The following SLC8A1 variants were observed in gnomAD, a reference collection of about 807,000 sequenced individuals.
The protein encoded by SLC8A1 is solute carrier family 8 member A1.
In SLC8A1, 18 loss-of-function variants were observed where a neutral mutation model predicts 68.3. The observed-to-expected ratio is 0.26, with a 90% confidence interval of 0.18 to 0.39. The LOEUF (loss-of-function observed/expected upper bound fraction) is 0.39. SLC8A1 is among the 10% of genes least tolerant of loss of function. The pLI is 1.00. For synonymous variants in SLC8A1, 475 were observed against 415.5 expected, an observed-to-expected ratio of 1.14 and a Z score of -1.74; for missense variants, 985 against 1,156.7, an observed-to-expected ratio of 0.85 and a Z score of 2.15.
chr2:40,334,367 A>G (rs1665255401), intron 2 of SLC8A1, among the ~76,000 whole-genome samples: 1 of 152,232 alleles, frequency 6.6e-6, no homozygotes, highest in African/African-American at 2.4e-5. Flanking sequence ...TAACCATTTC[A>G]GTTTTATATA....
At chr2:40,124,525 C>T (rs1339601764) in intron 7 of SLC8A1, among the ~76,000 whole-genome samples, 2 of 152,170 alleles carry the variant, frequency 1.3e-5, no homozygotes, top group East Asian at 1.9e-4. Context: ...TTTTGCCTTC[C>T]ACCTTGCTGT....
chr2:40,384,230 C>G (rs958300484), intron 2 of SLC8A1, among the ~76,000 whole-genome samples: 2 of 151,944 alleles, frequency 1.3e-5, no homozygotes, highest in Non-Finnish European at 2.9e-5. Flanking sequence ...GCACTTTAGT[C>G]TGGGAGACCG....
chr2:40,175,241 G>A lies in SLC8A1; in HGVS notation c.1913-399C>T. 2 of 1,610,884 alleles carry A rather than the reference G, an allele frequency of 1.2e-6. No homozygotes were observed. Among genetic ancestry groups the A allele is most frequent in the Non-Finnish European group, 1.7e-6 (2 of 1,177,484 alleles). The stretch of plus-strand genomic sequence containing the variant: ...TAATCTAGAAAAATGGAAAGGAAAT[G>A]CAAGAAATGAAATGCTTACCAAGCT... On this transcript the variant is annotated intron_variant, in intron 3 of 7. Coordinates refer to ENST00000406785, the Ensembl canonical transcript of SLC8A1.
chr2:40,200,175 T>G (rs522050), intron 2 of SLC8A1, among the ~76,000 whole-genome samples: 13,488 of 25,576 alleles, frequency 0.53, 4,138 homozygotes, highest in Middle Eastern at 0.75. Flanking sequence ...AAGTCATTGA[T>G]ATATATATAT....
chr2:40,294,460 T>A (rs538116733), intron 2 of SLC8A1, among the ~76,000 whole-genome samples: 8 of 152,154 alleles, frequency 5.3e-5, no homozygotes, highest in African/African-American at 1.7e-4. Flanking sequence ...CAGACAGCCA[T>A]TAAAAAATGA....
rs6712248 is a variant in SLC8A1 at position 40,164,734 on chromosome 2, C to A, written c.2061+120G>T. 2.2e-3 allele frequency: 2,878 copies of A among 1,336,010 alleles called. 57 individuals are homozygous for A. The African/African-American group carries it at 0.038, about 18-fold the overall frequency. The allele number at this position is 1,336,010 out of a possible 1,614,324, so 82.8% of individuals were successfully genotyped here. A position where few individuals can be genotyped will look rare whatever the true frequency, so the allele number is the denominator to read the frequency against. On this transcript the variant is annotated intron_variant, in intron 5 of 7. Transcript: ENST00000406785. ...CCCCAAAGGCTCTCAATTCACAAGC[C>A]AGTTCCTGAAATTACATCTACTACT... is the stretch of plus-strand genomic sequence containing the variant.
chr2:40,390,921 G>A (rs1419450720), intron 2 of SLC8A1, among the ~76,000 whole-genome samples: 4 of 151,994 alleles, frequency 2.6e-5, no homozygotes, highest in African/African-American at 9.7e-5. Context: ...TTGCCTGAAA[G>A]GGCAAACAAT....
chr2:40,273,208 TG>T (rs1332791160), intron 2 of SLC8A1, among the ~76,000 whole-genome samples: 6 of 152,030 alleles, frequency 3.9e-5, no homozygotes, highest in African/African-American at 1.2e-4. Flanking sequence ...CCCAAAGTGC[TG>T]GGATTACAGG....
chr2:40,455,328 G>C (rs1215832043), upstream of SLC8A1, among the ~76,000 whole-genome samples: 1 of 152,022 alleles, frequency 6.6e-6, no homozygotes, highest in East Asian at 1.9e-4. Context: ...TTCATCATAG[G>C]GAAAACAAGC....
intron 2 of SLC8A1, among the ~76,000 whole-genome samples, chr2:40,363,847 C>G (rs769957737): frequency 4.6e-5 from 7 of 151,992 alleles, no homozygotes; most frequent in African/African-American, 1.2e-4. Context: ...TGACTCTGAA[C>G]AGTCACATTA....
intron 1 of SLC8A1, among the ~76,000 whole-genome samples, chr2:40,449,242 A>G (rs1173847126): frequency 2.0e-5 from 3 of 151,728 alleles, no homozygotes; most frequent in East Asian, 1.9e-4. Flanking sequence ...AACCACATCT[A>G]TGAGCTAAAT....
chr2:40,339,135 C>A (rs1047962884), intron 2 of SLC8A1, among the ~76,000 whole-genome samples: 2 of 150,030 alleles, frequency 1.3e-5, no homozygotes, highest in East Asian at 2.0e-4. Context: ...CCACTACGCG[C>A]CTCTGGCTTC....
chr2:40,446,855 A>C (rs916395170), intron 1 of SLC8A1, among the ~76,000 whole-genome samples: 1 of 152,252 alleles, frequency 6.6e-6, no homozygotes, highest in Admixed American at 6.5e-5. Context: ...CTGGCACATA[A>C]AAAGTGCTCA....
At chr2:40,491,875 C>T (rs183701319) in intron 1 of SLC8A1, among the ~76,000 whole-genome samples, 62 of 152,272 alleles carry the variant, frequency 4.1e-4, no homozygotes, top group African/African-American at 1.4e-3. Flanking sequence ...ACATTCCATG[C>T]TCATGGGTAG....
intron 7 of SLC8A1, among the ~76,000 whole-genome samples, chr2:40,128,516 A>G (rs1245701084): frequency 6.6e-6 from 1 of 152,178 alleles, no homozygotes; most frequent in Non-Finnish European, 1.5e-5. Context: ...AAGAAGCTCC[A>G]TTTGTGAGAG....
intron 2 of SLC8A1, among the ~76,000 whole-genome samples, chr2:40,241,557 T>C (rs1253065754): frequency 3.3e-5 from 5 of 152,206 alleles, no homozygotes; most frequent in African/African-American, 1.2e-4. Context: ...TATGTGACCA[T>C]AAATACCTGT....
chr2:40,512,124 C>A (rs906079803), intron 1 of SLC8A1, among the ~76,000 whole-genome samples: 10 of 152,146 alleles, frequency 6.6e-5, no homozygotes, highest in African/African-American at 2.2e-4. Flanking sequence ...TATTTGGCAG[C>A]AAATCTGTGT....
chr2:40,220,910 G>A (rs1295822012), intron 2 of SLC8A1, among the ~76,000 whole-genome samples: 4 of 151,686 alleles, frequency 2.6e-5, no homozygotes, highest in Non-Finnish European at 5.9e-5. Flanking sequence ...AAAAAGCTCA[G>A]GACCAGACAG....
intron 4 of SLC8A1, among the ~76,000 whole-genome samples, chr2:40,171,307 A>G (rs1236125424): frequency 6.6e-6 from 1 of 152,200 alleles, no homozygotes; most frequent in Non-Finnish European, 1.5e-5. Context: ...GTGTCTTATT[A>G]AGTCTATTAT....
Sources: allele counts gnomAD v4.1 joint callset (sites outside exome capture counted in the v4.1 genomes callset), GRCh38; gene constraint gnomAD v4.1.1; transcripts MANE v1.5; gene names NCBI Gene and HGNC (gene_info 2026-07-23, HGNC 2026-07-21).